Variants in IL36B observed in about 807,000 individuals in gnomAD.
IL36B encodes interleukin-36 beta.
Under a neutral mutation model 19.3 loss-of-function variants are expected in IL36B, and 23 were observed. That is an observed-to-expected ratio of 1.19 (90% CI 0.86 to 1.69). The LOEUF (loss-of-function observed/expected upper bound fraction) is 1.69, where lower values mean the gene tolerates loss of function less well. Among genes scored for constraint, IL36B ranks in the 40% most tolerant of loss-of-function variants. The probability of loss-of-function intolerance (pLI) is 0.00; values close to 1 mark genes in which losing one functional copy is unlikely to be tolerated. For synonymous variants in IL36B, 59 were observed against 59.7 expected (o/e 0.99, Z 0.05); for missense variants, 217 against 200.5 (o/e 1.08, Z -0.50).
chr2:113,026,380 G>T, intron 4 of IL36B: 2 of 1,313,452 alleles, frequency 1.5e-6, no homozygotes, highest in Non-Finnish European at 2.0e-6. Context: ...AGAATGCGGG[G>T]CACTGAAGCA....
chr2:113,026,026 C>T, intron 5 of IL36B: 1 of 1,554,022 alleles, frequency 6.4e-7, no homozygotes, highest in Admixed American at 1.9e-5. Context: ...CTGCTGGGAT[C>T]CTCTGAGGAA....
In IL36B at chr2:113,022,581, G is replaced by A; in HGVS notation, c.*93C>T. ...AAACTCTCCAGAACCCAAGAAAAGA[G>A]AAAAATTTCTGCAACTTATTCCATT... On this transcript the variant is annotated 3_prime_UTR_variant, in exon 6 of 6. Transcript: ENST00000259213. The A allele has an allele frequency of 7.3e-6, 6 of 821,614 alleles. No individual in the cohort carries two copies. Among genetic ancestry groups the A allele is most frequent in the Non-Finnish European group, 1.2e-5 (6 of 489,608 alleles). 50.9% of individuals were successfully genotyped at this position (821,614 alleles called of 1,614,324 possible).
intron 1 of IL36B, among the ~76,000 whole-genome samples, chr2:113,037,697 G>A (rs1685187312): frequency 6.6e-6 from 1 of 151,174 alleles, no homozygotes; most frequent in South Asian, 2.1e-4. Context: ...ATTTTGTACA[G>A]TCTTTATACC....
At chr2:113,031,349 G>A (rs1166066750) in intron 2 of IL36B, among the ~76,000 whole-genome samples, 194 bp from the exon 3 acceptor site, 5 of 152,068 alleles carry the variant, frequency 3.3e-5, no homozygotes, top group Non-Finnish European at 5.9e-5. Flanking sequence ...AAGGATCTAC[G>A]TGCAGTCACA....
intron 4 of IL36B, 30 bp downstream of exon 4, chr2:113,028,909 A>G (rs778293312): frequency 6.2e-7 from 1 of 1,608,396 alleles, no homozygotes; most frequent in Non-Finnish European, 8.5e-7. Flanking sequence ...ATATGACAGT[A>G]CTTCTCTCGT....
At chr2:113,051,726 C>G (rs1685450358) in intron 1 of IL36B, among the ~76,000 whole-genome samples, 1 of 152,178 alleles carries the variant, frequency 6.6e-6, no homozygotes, top group East Asian at 1.9e-4. Context: ...GTCCTGGATG[C>G]AGCTGGAGGT....
Position 113,024,544 on chromosome 2 carries a change from A to G in IL36B, c.391+1559T>C, listed in dbSNP as rs1558829853. ...TCCTGTGGTTCTTAGATTTAAGCAA[A>G]GAACATCACAGCTCTCGATCCAGGA... On this transcript the variant is annotated intron_variant, in intron 5 of 5. Transcript: ENST00000259213. 2.6e-5 allele frequency among the ~76,000 whole-genome samples: 4 copies of G among 152,312 alleles called. No individual in the cohort carries two copies. The South Asian group carries it at 8.3e-4, about 32-fold the overall frequency.
At chr2:113,025,752 AG>A (rs1362250336) in intron 5 of IL36B, among the ~76,000 whole-genome samples, 1 of 152,190 alleles carries the variant, frequency 6.6e-6, no homozygotes, top group Non-Finnish European at 1.5e-5. Context: ...ATGTGTGCAA[AG>A]GCATGAGCAG....
rs370421207 is a variant in IL36B, at chr2:113,022,666, C to T, written c.*8G>A. On this transcript the variant is annotated 3_prime_UTR_variant, in exon 6 of 6. Coordinates refer to ENST00000259213, the MANE Select transcript of IL36B (RefSeq NM_014438.5). ...ATTGTAGAGATGGGAATCTTCCTCC[C>T]CTTATTTCTACATCCTTCCTGGCAT... is the stretch of plus-strand genomic sequence containing the variant. The T allele has an allele frequency of 2.8e-5, 43 of 1,532,734 alleles. No individual in the cohort carries two copies. The Middle Eastern group carries it at 2.7e-3, about 96-fold the overall frequency. The allele number at this position is 1,532,734 out of a possible 1,614,324, so 94.9% of individuals were successfully genotyped here.
At chr2:113,039,781 G>C (rs1314788047) in intron 1 of IL36B, among the ~76,000 whole-genome samples, 1 of 152,168 alleles carries the variant, frequency 6.6e-6, no homozygotes, top group Non-Finnish European at 1.5e-5. Flanking sequence ...AAACAGAAAG[G>C]CACGAGTTTA....
chr2:113,044,260 A>ATGTG (rs56838257), intron 1 of IL36B, among the ~76,000 whole-genome samples: 1,924 of 142,500 alleles, frequency 0.014, 26 homozygotes, highest in Non-Finnish European at 0.021. Flanking sequence ...CTATATCTAT[A>ATGTG]TGTGTGTGTG....
Position 113,031,732 on chromosome 2 carries a change from A to G in IL36B, c.-23T>C. ...CATGATGTCTTCAGAGCCTTTTGTG[A>G]AGAGAACAAGATAGATCAGATGGTG... On this transcript the variant is annotated 5_prime_UTR_variant, in exon 2 of 6. Transcript: ENST00000259213. 6.3e-7 allele frequency: 1 copy of G among 1,599,204 alleles called. No homozygotes were observed. Among genetic ancestry groups the G allele is most frequent in the Non-Finnish European group, 8.6e-7 (1 of 1,167,008 alleles).
intron 1 of IL36B, among the ~76,000 whole-genome samples, chr2:113,038,702 G>A (rs1685198954): frequency 6.6e-6 from 1 of 152,260 alleles, no homozygotes; most frequent in Non-Finnish European, 1.5e-5. Flanking sequence ...ATGGCAGGCT[G>A]TGGGGTTAGT....
chr2:113,032,754 G>T (rs999837964), intron 1 of IL36B, among the ~76,000 whole-genome samples: 1 of 152,160 alleles, frequency 6.6e-6, no homozygotes, highest in Non-Finnish European at 1.5e-5. Flanking sequence ...GGACTCCCAG[G>T]CCCCTTAATG....
At chr2:113,043,406 TTA>T (rs1299476049) in intron 1 of IL36B, among the ~76,000 whole-genome samples, 1 of 152,234 alleles carries the variant, frequency 6.6e-6, no homozygotes, top group African/African-American at 2.4e-5. Flanking sequence ...GCATTGTAGA[TTA>T]TGTTTTCCAT....
intron 4 of IL36B, among the ~76,000 whole-genome samples, chr2:113,028,555 A>T (rs1201998200): frequency 6.6e-6 from 1 of 152,232 alleles, no homozygotes; most frequent in Non-Finnish European, 1.5e-5. Context: ...TGGTACACAG[A>T]CCATAACCAC....
chr2:113,031,561 C>T (rs898095313), intron 2 of IL36B, 136 bp downstream of exon 2: 7 of 701,408 alleles, frequency 1.0e-5, no homozygotes, highest in African/African-American at 7.2e-5. Context: ...TTTTCAAAGG[C>T]CGTTTTAGGA....
At chr2:113,025,745 T>C (rs761509995) in intron 5 of IL36B, among the ~76,000 whole-genome samples, 20 of 152,162 alleles carry the variant, frequency 1.3e-4, no homozygotes, top group Non-Finnish European at 2.4e-4. Context: ...GTTTGAGATG[T>C]GTGCAAAGGC....
chr2:113,027,922 T>C (rs757520998), intron 4 of IL36B: 1 of 1,614,048 alleles, frequency 6.2e-7, no homozygotes, highest in South Asian at 1.1e-5. Context: ...AGAATCTAAG[T>C]AGAAGTTAGT....
Sources: gnomAD v4.1 joint callset for allele counts (sites outside exome capture counted in the v4.1 genomes callset) on GRCh38, gnomAD v4.1.1 for gene constraint, MANE v1.5 for transcripts, NCBI Gene and HGNC (gene_info 2026-07-23, HGNC 2026-07-21) for gene names.